The following RAB10 variants were observed in gnomAD, a reference collection of about 807,000 sequenced individuals.
The protein encoded by RAB10 is RAB10, member RAS oncogene family.
Under a neutral mutation model 25.7 loss-of-function variants are expected in RAB10, and 5 were observed. That is an observed-to-expected ratio of 0.19 (90% CI 0.10 to 0.41). The LOEUF (loss-of-function observed/expected upper bound fraction) is 0.41, where lower values mean the gene tolerates loss of function less well. Ranked by LOEUF, RAB10 falls within the 10% of genes least tolerant of loss-of-function variation. The pLI, the probability that RAB10 is intolerant of heterozygous loss-of-function variation, is 1.00. For synonymous variants in RAB10, 89 were observed against 86.4 expected (o/e 1.03, Z -0.16); for missense variants, 103 against 245.8 (o/e 0.42, Z 3.89).
intron 1 of RAB10, among the ~76,000 whole-genome samples, chr2:26,097,500 A>G (rs1025396239): frequency 1.3e-5 from 2 of 151,960 alleles, no homozygotes; most frequent in Non-Finnish European, 2.9e-5. Flanking sequence ...CTGGTCTCGA[A>G]CTCCTGACCT....
chr2:26,086,451 A>G (rs1666990089), intron 1 of RAB10, among the ~76,000 whole-genome samples: 1 of 152,214 alleles, frequency 6.6e-6, no homozygotes, highest in African/African-American at 2.4e-5. Context: ...CACAAAAGGA[A>G]AGTAACAAGT....
chr2:26,070,266 A>G (rs1248761099), intron 1 of RAB10, among the ~76,000 whole-genome samples: 2 of 152,196 alleles, frequency 1.3e-5, no homozygotes, highest in Non-Finnish European at 2.9e-5. Flanking sequence ...CTACAGGCAG[A>G]TATGCTTGAG....
chr2:26,044,807 A>G (rs1665962119), intron 1 of RAB10, among the ~76,000 whole-genome samples: 1 of 103,612 alleles, frequency 9.7e-6, no homozygotes, highest in Non-Finnish European at 2.1e-5. Context: ...CGGCCTCCCA[A>G]AGTGCTGGGA....
At chr2:26,084,713 A>ATAGTTCTGCC (rs1491047581) in intron 1 of RAB10, among the ~76,000 whole-genome samples, 2 of 23,352 alleles carry the variant, frequency 8.6e-5, no homozygotes, top group Non-Finnish European at 1.6e-4. Flanking sequence ...TTACCCCTTC[A>ATAGTTCTGCC]GTTTCAGTCG....
At chr2:26,119,282 G>T (rs1667755583) in intron 3 of RAB10, among the ~76,000 whole-genome samples, 1 of 152,012 alleles carries the variant, frequency 6.6e-6, no homozygotes, top group South Asian at 2.1e-4. Flanking sequence ...ATGGCGGTGA[G>T]TACCTGTAGT....
At chr2:26,056,802 G>GT (rs113451495) in intron 1 of RAB10, among the ~76,000 whole-genome samples, 5,167 of 151,792 alleles carry the variant, frequency 0.034, 294 homozygotes, top group African/African-American at 0.12. Flanking sequence ...AGATTTTTTT[G>GT]TTTTTTGTAG....
intron 1 of RAB10, among the ~76,000 whole-genome samples, chr2:26,088,693 A>G (rs1667039480): frequency 6.6e-6 from 1 of 151,992 alleles, no homozygotes; most frequent in South Asian, 2.1e-4. Context: ...GTCTCACTGC[A>G]ACCTCCCCCT....
chr2:26,104,991 C>T (rs914724188), intron 2 of RAB10, among the ~76,000 whole-genome samples: 4 of 152,068 alleles, frequency 2.6e-5, no homozygotes, highest in Non-Finnish European at 4.4e-5. Flanking sequence ...CCCGCCTCGG[C>T]CTCCCAAAGT....
chr2:26,130,097 A>G (rs988149262), intron 5 of RAB10, among the ~76,000 whole-genome samples: 5 of 152,196 alleles, frequency 3.3e-5, no homozygotes, highest in African/African-American at 1.2e-4. Context: ...TTTACCGACT[A>G]TAGGCAGTTT....
intron 5 of RAB10, among the ~76,000 whole-genome samples, chr2:26,129,027 C>A (rs576775588): frequency 6.6e-6 from 1 of 152,126 alleles, no homozygotes; most frequent in Non-Finnish European, 1.5e-5. Context: ...AATCCCAGCA[C>A]TTTGGGAGGC....
intron 1 of RAB10, chr2:26,042,808 G>C (rs1665920192): frequency 6.6e-6 from 1 of 151,976 alleles, no homozygotes; most frequent in Non-Finnish European, 1.5e-5. Flanking sequence ...ACCTCTGTAG[G>C]TATTTCTCCA....
At chr2:26,046,469 A>G (rs1383506005) in intron 1 of RAB10, among the ~76,000 whole-genome samples, 3 of 152,238 alleles carry the variant, frequency 2.0e-5, no homozygotes, top group Non-Finnish European at 2.9e-5. Context: ...TGCAAGCATA[A>G]GTGATTGCTT....
At chr2:26,094,949 G>C (rs1307090951) in intron 1 of RAB10, among the ~76,000 whole-genome samples, 1 of 152,196 alleles carries the variant, frequency 6.6e-6, no homozygotes, top group Non-Finnish European at 1.5e-5. Context: ...AAATGGGTAA[G>C]TTTTATGTGG....
chr2:26,089,279 C>T (rs372865980), intron 1 of RAB10, among the ~76,000 whole-genome samples: 2 of 151,796 alleles, frequency 1.3e-5, no homozygotes, highest in Non-Finnish European at 2.9e-5. Context: ...AAAAATTAGC[C>T]GGGCATGATG....
At chr2:26,099,173 C>G (rs1057488482) in intron 2 of RAB10, among the ~76,000 whole-genome samples, 1 of 151,700 alleles carries the variant, frequency 6.6e-6, no homozygotes, top group Admixed American at 6.6e-5. Flanking sequence ...TTGTCTGAAT[C>G]ATAGAATTTA....
chr2:26,118,125 A>G (rs1240966452), intron 3 of RAB10, among the ~76,000 whole-genome samples: 1 of 152,032 alleles, frequency 6.6e-6, no homozygotes, highest in East Asian at 1.9e-4. Flanking sequence ...GGCGTGTGCC[A>G]CCACGCCTGG....
intron 1 of RAB10, among the ~76,000 whole-genome samples, chr2:26,092,580 C>T (rs1436355049): frequency 6.6e-6 from 1 of 152,110 alleles, no homozygotes; most frequent in East Asian, 1.9e-4. Context: ...AATGAGGCTT[C>T]TGTCTTGACC....
In RAB10 at chr2:26,094,062, A is replaced by AT. The variant is rs553380646; in HGVS notation, c.128-4593dup. 8.3e-4 allele frequency among the ~76,000 whole-genome samples: 125 copies of AT among 151,466 alleles called. 5 individuals carry two copies. In the South Asian group the frequency reaches 0.026, roughly 31 times the overall value. On this transcript the variant is annotated intron_variant, in intron 1 of 5. Transcript: ENST00000264710. The stretch of plus-strand genomic sequence containing the variant: ...AGGTGTGCACCACCATGCCTGGCTA[A>AT]TTTTTTTGTAGAGATGAGGTTTTGC...
At chr2:26,043,337 A>T (rs757963089) in intron 1 of RAB10, among the ~76,000 whole-genome samples, 3 of 152,124 alleles carry the variant, frequency 2.0e-5, no homozygotes, top group Non-Finnish European at 4.4e-5. Flanking sequence ...TGAGAGGATC[A>T]CTTGAACCCG....
Sources: allele counts gnomAD v4.1 joint callset (sites outside exome capture counted in the v4.1 genomes callset), GRCh38; gene constraint gnomAD v4.1.1; transcripts MANE v1.5; gene names NCBI Gene and HGNC (gene_info 2026-07-23, HGNC 2026-07-21).